The following GALNT2 variants were observed in gnomAD, a reference collection of about 807,000 sequenced individuals.
GALNT2 encodes the protein polypeptide N-acetylgalactosaminyltransferase 2, also known as UDP-GalNAc:polypeptide N-acetylgalactosaminyltransferase 2.
GALNT2 carries 31 observed loss-of-function variants against 81.4 expected under a neutral mutation model. That is an observed-to-expected ratio of 0.38 (90% CI 0.29 to 0.51). The LOEUF (loss-of-function observed/expected upper bound fraction) is 0.51. Ranked by LOEUF, GALNT2 falls within the 20% of genes least tolerant of loss-of-function variation. The pLI, the probability that GALNT2 is intolerant of heterozygous loss-of-function variation, is 0.87. For synonymous variants in GALNT2, 303 were observed against 287.4 expected (o/e 1.05, Z -0.55); for missense variants, 629 against 765.7 (o/e 0.82, Z 2.11).
At position 230,092,614 on chromosome 1, in the gene GALNT2, G is replaced by A. The variant is rs1660126354; in HGVS notation, c.126+25208G>A. On this transcript the variant is annotated intron_variant, in intron 1 of 15. Transcript: ENST00000366672. ...CTGCCTCGGCCTCCCAAAGTGCTGG[G>A]ATTACAGGTGTGAGCCACCGCACCT... Among the ~76,000 whole-genome samples the A allele has an allele frequency of 3.3e-5, 5 of 152,106 alleles. 1 individual carries two copies. In the South Asian group the frequency reaches 1.0e-3, roughly 32 times the overall value.
At chr1:230,133,864 A>AT (rs1292119889) in intron 1 of GALNT2, among the ~76,000 whole-genome samples, 12 of 152,156 alleles carry the variant, frequency 7.9e-5, no homozygotes, top group African/African-American at 2.7e-4. Flanking sequence ...AATATTACAA[A>AT]TTGCAACCCT....
chr1:230,188,841 T>A (rs1663425901), intron 2 of GALNT2, among the ~76,000 whole-genome samples: 1 of 152,222 alleles, frequency 6.6e-6, no homozygotes, highest in African/African-American at 2.4e-5. Context: ...ATTTTGGAAA[T>A]CTATCTGATA....
At position 230,187,142 on chromosome 1, in the gene GALNT2, C is replaced by T. The variant is rs1448909240; in HGVS notation, c.220+8831C>T. ...ACCAAGCTGGATGCTTTTATGGCCA[C>T]AGAACCCACTGACAGATGAAGGAGC... On this transcript the variant is annotated intron_variant, in intron 2 of 15. Transcript: ENST00000366672. 2.6e-5 allele frequency among the ~76,000 whole-genome samples: 4 copies of T among 152,138 alleles called. No individual in the cohort carries two copies. The East Asian group carries it at 7.7e-4, about 29-fold the overall frequency.
chr1:230,066,670 A>G (rs556516375), upstream of GALNT2, among the ~76,000 whole-genome samples: 2 of 152,224 alleles, frequency 1.3e-5, no homozygotes, highest in Non-Finnish European at 2.9e-5. Context: ...CAGTTGGCCA[A>G]TAAGAGCAAG....
chr1:230,233,495 C>T (rs1664929960), intron 3 of GALNT2, among the ~76,000 whole-genome samples: 1 of 152,174 alleles, frequency 6.6e-6, no homozygotes, highest in Non-Finnish European at 1.5e-5. Flanking sequence ...CACCTGTAGT[C>T]CCAGCTACTC....
chr1:230,251,338 A>C (rs1460595156), intron 10 of GALNT2, among the ~76,000 whole-genome samples: 2 of 152,110 alleles, frequency 1.3e-5, no homozygotes, highest in African/African-American at 4.8e-5. Context: ...GGGGAGAAGG[A>C]AAGGGGAAAA....
chr1:230,260,273 G>A (rs762269236), intron 11 of GALNT2, among the ~76,000 whole-genome samples: 18 of 152,142 alleles, frequency 1.2e-4, no homozygotes, highest in Admixed American at 8.5e-4. Context: ...AGTCTCCCTC[G>A]GTGCCACTGT....
At chr1:230,114,818 G>A (rs1660798508) in intron 1 of GALNT2, among the ~76,000 whole-genome samples, 1 of 152,088 alleles carries the variant, frequency 6.6e-6, no homozygotes, top group Non-Finnish European at 1.5e-5. Context: ...TTTTCAATAG[G>A]CTTTATTTTT....
At chr1:230,191,083 A>T (rs1317821186) in intron 2 of GALNT2, among the ~76,000 whole-genome samples, 3 of 152,226 alleles carry the variant, frequency 2.0e-5, no homozygotes, top group Non-Finnish European at 2.9e-5. Context: ...ACAAGCAAGA[A>T]AGTGGAGACC....
chr1:230,233,653 T>C (rs1367485919), intron 3 of GALNT2, among the ~76,000 whole-genome samples: 1 of 152,064 alleles, frequency 6.6e-6, no homozygotes, highest in Non-Finnish European at 1.5e-5. Context: ...TTTTTTAATG[T>C]ATTGGTCCCC....
At chr1:230,077,497 T>A (rs1382857939) in intron 1 of GALNT2, among the ~76,000 whole-genome samples, 1 of 152,244 alleles carries the variant, frequency 6.6e-6, no homozygotes, top group African/African-American at 2.4e-5. Flanking sequence ...CGGGTTCTTA[T>A]CAGTTGGCAT....
rs182437657 is a variant in GALNT2, at chr1:230,167,777, C to A, written c.127-10441C>A. Among the ~76,000 whole-genome samples the A allele has an allele frequency of 4.6e-5, 7 of 152,322 alleles. No homozygotes were observed. The East Asian group carries it at 1.4e-3, about 29-fold the overall frequency. ...GCCTGGCCGGCTGACGAGGCTGCCTCCTGCTGGCCTCCCTGCGGCTGCTCC... is the reference window on the plus strand; with the variant it reads ...GCCTGGCCGGCTGACGAGGCTGCCTACTGCTGGCCTCCCTGCGGCTGCTCC... On this transcript the variant is annotated intron_variant, in intron 1 of 15. Coordinates refer to ENST00000366672, the MANE Select transcript of GALNT2 (RefSeq NM_004481.5).
intron 1 of GALNT2, among the ~76,000 whole-genome samples, chr1:230,148,605 T>C (rs1661996902): frequency 6.6e-6 from 1 of 152,122 alleles, no homozygotes; most frequent in East Asian, 1.9e-4. Context: ...TCTATTTTTG[T>C]TTTTGAGACA....
At chr1:230,068,688 G>A (rs1370444480) in intron 1 of GALNT2, among the ~76,000 whole-genome samples, 2 of 152,170 alleles carry the variant, frequency 1.3e-5, no homozygotes, top group Non-Finnish European at 2.9e-5. Flanking sequence ...CATAGCCGAA[G>A]ATGTTAGGTG....
intron 1 of GALNT2, among the ~76,000 whole-genome samples, chr1:230,079,258 A>G (rs1028037564): frequency 6.6e-6 from 1 of 152,394 alleles, no homozygotes; most frequent in South Asian, 2.1e-4. Context: ...TCTGTAAGGT[A>G]TAATTCCTGG....
intron 1 of GALNT2, among the ~76,000 whole-genome samples, chr1:230,082,378 T>C (rs1659762089): frequency 6.6e-6 from 1 of 152,248 alleles, no homozygotes; most frequent in African/African-American, 2.4e-5. Context: ...TTGAGTGAGC[T>C]GATGGGTTGG....
intron 3 of GALNT2, among the ~76,000 whole-genome samples, chr1:230,222,177 C>G (rs1387856070): frequency 6.6e-6 from 1 of 151,968 alleles, no homozygotes; most frequent in Non-Finnish European, 1.5e-5. Flanking sequence ...CAGGCGTCCA[C>G]CACCACGCCC....
chr1:230,251,889 CAG>C lies in GALNT2; in HGVS notation c.1009+1333_1009+1334del, dbSNP rs1665555350. On this transcript the variant is annotated intron_variant, in intron 10 of 15. Coordinates refer to ENST00000366672, the MANE Select transcript of GALNT2 (RefSeq NM_004481.5). ...TTACATATCTAAGGAGGCATTCACCCAGAGACTGGGGGGTAGATTTGTTGTAA... is the reference window on the plus strand; with the variant it reads ...TTACATATCTAAGGAGGCATTCACCCAGACTGGGGGGTAGATTTGTTGTAA... Among the ~76,000 whole-genome samples, 4 of 152,130 alleles carry C rather than the reference CAG, an allele frequency of 2.6e-5. No individual in the cohort carries two copies. The South Asian group carries it at 8.3e-4, about 32-fold the overall frequency.
At chr1:230,058,036 A>C (rs144865887) in exon 1 of GALNT2, 5 of 456,262 alleles carry the variant, frequency 1.1e-5, no homozygotes, top group Non-Finnish European at 1.8e-5. Flanking sequence ...TCTATGTGGA[A>C]TGTGGACAGG....
Sources: gnomAD v4.1 joint callset for allele counts (sites outside exome capture counted in the v4.1 genomes callset) on GRCh38, gnomAD v4.1.1 for gene constraint, MANE v1.5 for transcripts, NCBI Gene and HGNC (gene_info 2026-07-23, HGNC 2026-07-21) for gene names.